Variants in APBB2 observed in about 807,000 individuals in gnomAD.
The protein encoded by APBB2 is Fe65-like 1.
Under a neutral mutation model 82.5 loss-of-function variants are expected in APBB2, and 38 were observed. That is an observed-to-expected ratio of 0.46 (90% confidence interval 0.36 to 0.60). The LOEUF is 0.60. Ranked by LOEUF, APBB2 falls within the 20% of genes least tolerant of loss-of-function variation. The probability of loss-of-function intolerance (pLI) is 0.00; values close to 1 mark genes in which losing one functional copy is unlikely to be tolerated. For missense variants in APBB2, 772 were observed against 972.3 expected (o/e 0.79, Z 2.74); for synonymous variants, 341 against 368.2 (o/e 0.93, Z 0.85).
At position 41,000,061 on chromosome 4, in the gene APBB2, A is replaced by ATGTGTG. The variant is rs1218564307; in HGVS notation, c.835+13516_835+13521dup. 7.7e-4 allele frequency among the ~76,000 whole-genome samples: 87 copies of ATGTGTG among 113,220 alleles called. 1 individual carries two copies. The highest frequency in any genetic ancestry group is 2.0e-3 in the African/African-American group (52 of 26,376). 74.3% of individuals were successfully genotyped at this position (113,220 alleles called of 152,430 possible). A position where few individuals can be genotyped will look rare whatever the true frequency, so the allele number is the denominator to read the frequency against. On this transcript the variant is annotated intron_variant, in intron 6 of 17. Transcript: ENST00000508593. The stretch of plus-strand genomic sequence containing the variant: ...TGTGTGTGTATGTATATGTATATAT[A>ATGTGTG]TGTGTGTATGTGTGTGTGTGTGTGT...
At chr4:41,191,027 C>A (rs1210578613) in intron 1 of APBB2, among the ~76,000 whole-genome samples, 1 of 152,186 alleles carries the variant, frequency 6.6e-6, no homozygotes, top group East Asian at 1.9e-4. Flanking sequence ...CGATTCAATT[C>A]TCTCTGAGGA....
chr4:41,085,897 A>G (rs766300034), intron 3 of APBB2, among the ~76,000 whole-genome samples: 43 of 152,200 alleles, frequency 2.8e-4, no homozygotes, highest in Non-Finnish European at 5.6e-4. Flanking sequence ...AGAAAAATCA[A>G]CAAAACCAAG....
intron 5 of APBB2, among the ~76,000 whole-genome samples, chr4:41,025,543 G>C (rs1713667245): frequency 1.3e-5 from 2 of 151,790 alleles, no homozygotes; most frequent in South Asian, 4.2e-4. Context: ...AAACACACAT[G>C]GACATGAATG....
At chr4:41,185,324 A>G (rs1284018452) in intron 1 of APBB2, among the ~76,000 whole-genome samples, 1 of 152,204 alleles carries the variant, frequency 6.6e-6, no homozygotes, top group Non-Finnish European at 1.5e-5. Context: ...CTTAAAAACA[A>G]TGTGTACTAA....
chr4:41,207,536 AC>A (rs1778272645), intron 1 of APBB2, among the ~76,000 whole-genome samples: 1 of 152,212 alleles, frequency 6.6e-6, no homozygotes, highest in Admixed American at 6.5e-5. Flanking sequence ...CTTGAGGTTC[AC>A]CTGCTGAAAT....
chr4:40,847,242 T>C (rs1361527687), intron 12 of APBB2, among the ~76,000 whole-genome samples: 3 of 151,896 alleles, frequency 2.0e-5, no homozygotes, highest in Non-Finnish European at 4.4e-5. Flanking sequence ...GCAGGTGGAT[T>C]ACTTGAGGCC....
chr4:40,949,201 G>A (rs1226354330), intron 6 of APBB2, among the ~76,000 whole-genome samples: 1 of 151,990 alleles, frequency 6.6e-6, no homozygotes, highest in Non-Finnish European at 1.5e-5. Context: ...CCCGGGAGGT[G>A]GAGGTTGCAG....
intron 6 of APBB2, among the ~76,000 whole-genome samples, chr4:40,967,392 GC>G (rs1794931510): frequency 6.6e-6 from 1 of 152,208 alleles, no homozygotes; most frequent in Admixed American, 6.5e-5. Context: ...AAGAGCTGCA[GC>G]CTTTTGGGGA....
At chr4:40,983,673 A>T (rs1012504544) in intron 6 of APBB2, among the ~76,000 whole-genome samples, 1 of 151,880 alleles carries the variant, frequency 6.6e-6, no homozygotes, top group Non-Finnish European at 1.5e-5. Context: ...AACATCCTGC[A>T]TTTAAGCAAT....
chr4:41,179,528 CA>C (rs1260248177), intron 1 of APBB2, among the ~76,000 whole-genome samples: 1 of 152,096 alleles, frequency 6.6e-6, no homozygotes, highest in Non-Finnish European at 1.5e-5. Flanking sequence ...CTTGTCAGCT[CA>C]AAAGAACACA....
chr4:41,211,627 C>T (rs1245550758), intron 1 of APBB2, among the ~76,000 whole-genome samples: 1 of 151,912 alleles, frequency 6.6e-6, no homozygotes, highest in Non-Finnish European at 1.5e-5. Flanking sequence ...GGATTACAGG[C>T]GGGAGCCACC....
intron 12 of APBB2, among the ~76,000 whole-genome samples, chr4:40,852,045 C>T (rs769517039): frequency 6.6e-6 from 1 of 151,942 alleles, no homozygotes; most frequent in Non-Finnish European, 1.5e-5. Context: ...ACAGAGGATG[C>T]TGCATGTGAA....
At chr4:40,977,232 C>T (rs1363145917) in intron 6 of APBB2, among the ~76,000 whole-genome samples, 2 of 151,888 alleles carry the variant, frequency 1.3e-5, no homozygotes, top group African/African-American at 4.8e-5. Context: ...TGGCTCTCAA[C>T]ATGGAAGCAT....
chr4:41,203,774 A>G (rs571877139), intron 1 of APBB2, among the ~76,000 whole-genome samples: 14 of 152,144 alleles, frequency 9.2e-5, no homozygotes, highest in Non-Finnish European at 1.6e-4. Context: ...GTCTCCCTTT[A>G]TGTCTCCAGC....
chr4:40,949,898 G>A (rs34295522), intron 6 of APBB2, among the ~76,000 whole-genome samples: 35,459 of 151,966 alleles, frequency 0.23, 4,853 homozygotes, highest in East Asian at 0.51. Context: ...AAAAACCTCC[G>A]CCCTGGAGAA....
chr4:40,903,233 G>A (rs992590585), intron 10 of APBB2, among the ~76,000 whole-genome samples: 12 of 121,568 alleles, frequency 9.9e-5, no homozygotes, highest in African/African-American at 3.1e-4. Flanking sequence ...GGCCAAGGCC[G>A]GTGGATCACC....
At chr4:40,842,340 A>AG (rs1458851793) in intron 12 of APBB2, 4 of 455,272 alleles carry the variant, frequency 8.8e-6, no homozygotes, top group South Asian at 3.1e-5. Flanking sequence ...GACACCACGA[A>AG]GGGGGGAGAA....
intron 12 of APBB2, among the ~76,000 whole-genome samples, chr4:40,869,857 AAATATTCT>A (rs1764994993): frequency 6.6e-6 from 1 of 152,062 alleles, no homozygotes; most frequent in Non-Finnish European, 1.5e-5. Flanking sequence ...AGTATTTAGT[AAATATTCT>A]ATATATTCCT....
chr4:40,875,770 T>C (rs1766726637), intron 12 of APBB2, among the ~76,000 whole-genome samples: 1 of 152,012 alleles, frequency 6.6e-6, no homozygotes, highest in African/African-American at 2.4e-5. Context: ...AGAACATTAA[T>C]ATGTTACAAG....
Sources: allele counts gnomAD v4.1 joint callset (sites outside exome capture counted in the v4.1 genomes callset), GRCh38; gene constraint gnomAD v4.1.1; transcripts MANE v1.5; gene names NCBI Gene and HGNC (gene_info 2026-07-23, HGNC 2026-07-21).